NREP: variants seen among roughly 807,000 people sequenced by gnomAD.
NREP encodes the protein neuronal regeneration related protein.
NREP carries 5 observed loss-of-function variants against 8.6 expected under a neutral mutation model. The observed-to-expected ratio is 0.58, with a 90% confidence interval of 0.30 to 1.22. The LOEUF (loss-of-function observed/expected upper bound fraction) is 1.22, where lower values mean the gene tolerates loss of function less well. NREP is among the 50% of genes most tolerant of loss of function. NREP has a pLI of 0.07. For synonymous variants in NREP, 27 were observed against 28.0 expected (o/e 0.96, Z 0.11); for missense variants, 86 against 82.5 (o/e 1.04, Z -0.17).
chr5:111,834,690 G>C (rs1752852382), intron 2 of NREP, among the ~76,000 whole-genome samples: 2 of 152,136 alleles, frequency 1.3e-5, no homozygotes, highest in South Asian at 4.1e-4. Flanking sequence ...GCCCATTACT[G>C]GCTGTGGAAC....
In NREP at chr5:111,774,243, GGGAGGGAGGGAAGGAGGGAGAGAA is replaced by G. The variant is rs1751306346; in HGVS notation, c.136-38760_136-38737del. The stretch of plus-strand genomic sequence containing the variant: ...AAGGAAGAAGGGAGGGAAGGAAGAA[GGGAGGGAGGGAAGGAGGGAGAGAA>G]GGAGGGAGAGAAGAAGGGAGAGAAG... On this transcript the variant is annotated intron_variant, in intron 2 of 3. Coordinates refer to the NREP transcript ENST00000395634. 2.6e-5 allele frequency among the ~76,000 whole-genome samples: 3 copies of G among 117,170 alleles called. No homozygotes were observed. In the South Asian group the frequency reaches 7.1e-4, roughly 28 times the overall value. The allele number at this position is 117,170 out of a possible 152,430, so 76.9% of individuals were successfully genotyped here. A position where few individuals can be genotyped will look rare whatever the true frequency, so the allele number is the denominator to read the frequency against.
intron 2 of NREP, among the ~76,000 whole-genome samples, chr5:111,929,811 G>T (rs1411986946): frequency 3.9e-5 from 6 of 152,114 alleles, no homozygotes; most frequent in African/African-American, 1.4e-4. Context: ...TAGACTAAAA[G>T]TTAAATAAGT....
intron 2 of NREP, among the ~76,000 whole-genome samples, chr5:111,894,703 G>A (rs897762990): frequency 6.6e-6 from 1 of 152,142 alleles, no homozygotes; most frequent in Non-Finnish European, 1.5e-5. Context: ...CTGCCCGCAT[G>A]AATTTTACTT....
At position 111,846,819 on chromosome 5, in the gene NREP, C is replaced by T. The variant is rs1753187180; in HGVS notation, c.136-111312G>A. Among the ~76,000 whole-genome samples the T allele has an allele frequency of 2.0e-5, 3 of 152,078 alleles. No individual in the cohort carries two copies. In the South Asian group the frequency reaches 6.2e-4, roughly 31 times the overall value. The stretch of plus-strand genomic sequence containing the variant: ...TACCAGATTTCTTTCACTAGCTTAA[C>T]CATGCCTAAGGCACATTTAATAGCT... On this transcript the variant is annotated intron_variant, in intron 2 of 3. Coordinates refer to the NREP transcript ENST00000395634.
intron 2 of NREP, among the ~76,000 whole-genome samples, chr5:111,911,497 G>A (rs929527296): frequency 6.6e-6 from 1 of 151,948 alleles, no homozygotes; most frequent in African/African-American, 2.4e-5. Context: ...TATTGAGTAA[G>A]CACATACTAA....
chr5:111,763,419 C>A (rs872621), intron 2 of NREP, among the ~76,000 whole-genome samples: 63,778 of 152,046 alleles, frequency 0.42, 13,581 homozygotes, highest in Non-Finnish European at 0.46. Flanking sequence ...ATGTGAGGAA[C>A]TTTTGAAAAT....
intron 2 of NREP, among the ~76,000 whole-genome samples, chr5:111,831,148 T>G (rs910430574): frequency 6.6e-6 from 1 of 152,156 alleles, no homozygotes; most frequent in African/African-American, 2.4e-5. Flanking sequence ...AAGGGAACCT[T>G]TACTGAAAGC....
chr5:111,747,031 A>T (rs761797234), intron 2 of NREP, among the ~76,000 whole-genome samples: 4 of 152,154 alleles, frequency 2.6e-5, no homozygotes, highest in Non-Finnish European at 5.9e-5. Flanking sequence ...GCAAATGAGC[A>T]CAAGAACAGA....
chr5:111,854,243 C>T (rs1382439300), intron 2 of NREP, among the ~76,000 whole-genome samples: 1 of 152,084 alleles, frequency 6.6e-6, no homozygotes, highest in African/African-American at 2.4e-5. Flanking sequence ...AAAATCTGGC[C>T]ACAAGCTTTT....
Position 111,820,120 on chromosome 5 carries a change from G to GAA in NREP, c.136-84615_136-84614dup, listed in dbSNP as rs529628438. ...GAATCCTGCTAAGTCCGTAGAGAGAGAATCTCCCACTTTGACATCTGATCA... is the reference window on the plus strand; with the variant it reads ...GAATCCTGCTAAGTCCGTAGAGAGAGAAAATCTCCCACTTTGACATCTGATCA... On this transcript the variant is annotated intron_variant, in intron 2 of 3. Transcript: ENST00000395634. Among the ~76,000 whole-genome samples, 456 of 86,566 alleles carry GAA rather than the reference G, an allele frequency of 5.3e-3. 1 individual carries two copies. The highest frequency in any genetic ancestry group is 0.019 in the African/African-American group (447 of 23,960). The allele number at this position is 86,566 out of a possible 152,430, so 56.8% of individuals were successfully genotyped here. A position where few individuals can be genotyped will look rare whatever the true frequency, so the allele number is the denominator to read the frequency against.
intron 2 of NREP, among the ~76,000 whole-genome samples, chr5:111,913,736 AT>A (rs1315878656): frequency 6.6e-6 from 1 of 152,126 alleles, no homozygotes; most frequent in Non-Finnish European, 1.5e-5. Context: ...AGAAAAATGA[AT>A]TCCCAGCTCT....
At chr5:111,852,024 C>T (rs145217066) in intron 2 of NREP, among the ~76,000 whole-genome samples, 1 of 152,218 alleles carries the variant, frequency 6.6e-6, no homozygotes, top group Admixed American at 6.5e-5. Flanking sequence ...TAGTAAGAGG[C>T]GGTGCCTTTG....
intron 2 of NREP, among the ~76,000 whole-genome samples, chr5:111,778,411 T>C (rs1286662038): frequency 2.0e-5 from 3 of 152,126 alleles, no homozygotes; most frequent in African/African-American, 7.2e-5. Flanking sequence ...GCTCACTGGG[T>C]TTAAGTAGTG....
intron 2 of NREP, among the ~76,000 whole-genome samples, chr5:111,772,641 C>A (rs1751258272): frequency 6.6e-6 from 1 of 151,942 alleles, no homozygotes; most frequent in African/African-American, 2.4e-5. Flanking sequence ...TCAGCCCCTC[C>A]CCCGAGACAC....
At chr5:111,908,223 T>TA (rs1030323208) in intron 2 of NREP, among the ~76,000 whole-genome samples, 1 of 151,910 alleles carries the variant, frequency 6.6e-6, no homozygotes, top group African/African-American at 2.4e-5. Flanking sequence ...GCTAATAGAA[T>TA]AAAAAAATGA....
At chr5:111,905,362 C>A (rs1202795691) in intron 2 of NREP, among the ~76,000 whole-genome samples, 1 of 152,138 alleles carries the variant, frequency 6.6e-6, no homozygotes, top group African/African-American at 2.4e-5. Context: ...ACTCCACATC[C>A]TTGCAGATAT....
intron 2 of NREP, among the ~76,000 whole-genome samples, chr5:111,802,825 A>C (rs1205450862): frequency 6.6e-6 from 1 of 152,210 alleles, no homozygotes; most frequent in Non-Finnish European, 1.5e-5. Context: ...CAGCCTGCAG[A>C]ATATTTAGTG....
At chr5:111,793,570 T>C (rs974925204) in intron 2 of NREP, among the ~76,000 whole-genome samples, 3 of 152,208 alleles carry the variant, frequency 2.0e-5, no homozygotes, top group Non-Finnish European at 4.4e-5. Flanking sequence ...CTCAGTCTAC[T>C]GATTCAAATG....
intron 2 of NREP, among the ~76,000 whole-genome samples, chr5:111,952,161 C>G (rs1756179199): frequency 6.6e-6 from 1 of 152,062 alleles, no homozygotes; most frequent in Admixed American, 6.6e-5. Context: ...AAGCCTTTGT[C>G]AAGTGGAGAA....
Sources: gnomAD v4.1 joint callset for allele counts (sites outside exome capture counted in the v4.1 genomes callset) on GRCh38, gnomAD v4.1.1 for gene constraint, MANE v1.5 for transcripts, NCBI Gene and HGNC (gene_info 2026-07-23, HGNC 2026-07-21) for gene names.